STIM1: variants seen among roughly 807,000 people sequenced by gnomAD.
The protein encoded by STIM1 is stromal interaction molecule 1.
A neutral mutation model predicts 74.7 loss-of-function variants in STIM1; 25 were observed. The ratio of observed to expected loss-of-function variants is 0.33; its 90% CI spans 0.24 to 0.47. STIM1 has a LOEUF of 0.47. Among genes scored for constraint, STIM1 ranks in the 20% least tolerant of loss-of-function variants. STIM1 has a pLI of 1.00. For missense variants in STIM1, 728 were observed against 920.8 expected, an observed-to-expected ratio of 0.79 and a Z score of 2.71; for synonymous variants, 328 against 348.8, an observed-to-expected ratio of 0.94 and a Z score of 0.66.
At chr11:3,971,290 A>G (rs1354870640) in intron 2 of STIM1, among the ~76,000 whole-genome samples, 7 of 151,416 alleles carry the variant, frequency 4.6e-5, no homozygotes, top group Non-Finnish European at 7.4e-5. Context: ...AGCACTTTGG[A>G]AGGCCGAGGC....
chr11:3,891,494 A>T (rs2091895924), intron 1 of STIM1, among the ~76,000 whole-genome samples: 2 of 152,070 alleles, frequency 1.3e-5, no homozygotes, highest in South Asian at 4.1e-4. Flanking sequence ...CATGTTGGCC[A>T]GGCTGGTCTC....
At chr11:4,055,741 T>C in intron 4 of STIM1, 104 bp downstream of exon 4, 1 of 802,914 alleles carries the variant, frequency 1.2e-6, no homozygotes, top group South Asian at 1.7e-5. Context: ...TCTGCCTTTT[T>C]CAGGGCAGCG....
At chr11:3,878,930 C>G (rs2091398475) in intron 1 of STIM1, among the ~76,000 whole-genome samples, 1 of 152,106 alleles carries the variant, frequency 6.6e-6, no homozygotes, top group Non-Finnish European at 1.5e-5. Flanking sequence ...AGCATCTCCT[C>G]TAGTACTGTT....
At chr11:4,013,206 A>C (rs577690556) in intron 2 of STIM1, among the ~76,000 whole-genome samples, 6 of 152,298 alleles carry the variant, frequency 3.9e-5, no homozygotes, top group East Asian at 1.9e-4. Context: ...TGTCTCTGCC[A>C]GGCTTTGGTA....
At chr11:4,050,241 AG>A (rs1383232253) in intron 3 of STIM1, among the ~76,000 whole-genome samples, 1 of 152,208 alleles carries the variant, frequency 6.6e-6, no homozygotes, top group East Asian at 1.9e-4. Flanking sequence ...CTACTTTTAA[AG>A]GCTGATTTAG....
intron 1 of STIM1, among the ~76,000 whole-genome samples, chr11:3,901,729 C>G (rs1238360854): frequency 6.6e-6 from 1 of 152,234 alleles, no homozygotes. Context: ...ATTTAGCTAA[C>G]TGAGCTTTTA....
At chr11:3,906,966 G>T (rs1291558077) in intron 1 of STIM1, among the ~76,000 whole-genome samples, 3 of 152,056 alleles carry the variant, frequency 2.0e-5, no homozygotes, top group Non-Finnish European at 4.4e-5. Context: ...TCTAAAATTG[G>T]TACCTTTACT....
chr11:3,870,964 C>T (rs2091067475), intron 1 of STIM1, among the ~76,000 whole-genome samples: 1 of 150,310 alleles, frequency 6.7e-6, no homozygotes, highest in Admixed American at 6.7e-5. Flanking sequence ...CCTCTGCCTC[C>T]TGGGTTCAAG....
chr11:4,090,020 C>T (rs1448786416), intron 12 of STIM1, among the ~76,000 whole-genome samples: 3 of 152,116 alleles, frequency 2.0e-5, no homozygotes, highest in Non-Finnish European at 4.4e-5. Context: ...ACCACCAGCT[C>T]CTTAAAGGGT....
chr11:3,896,716 G>T (rs1335313734), intron 1 of STIM1, among the ~76,000 whole-genome samples: 1 of 152,200 alleles, frequency 6.6e-6, no homozygotes, highest in Non-Finnish European at 1.5e-5. Flanking sequence ...GTCAGAGAAG[G>T]CTTTCCAGAA....
chr11:4,003,559 C>A (rs1178014305), intron 2 of STIM1, among the ~76,000 whole-genome samples: 1 of 151,090 alleles, frequency 6.6e-6, no homozygotes, highest in African/African-American at 2.4e-5. Flanking sequence ...TAAAAACTCT[C>A]AATAAATTAG....
At position 3,926,448 on chromosome 11, in the gene STIM1, G is replaced by A. The variant is rs146202185; in HGVS notation, c.140-41104G>A. ...TAAGAGTTTTAATTTTTCTTTTTGT[G>A]CTTCACTGGAAAGTCTTATGCATTC... On this transcript the variant is annotated intron_variant, in intron 1 of 12. Coordinates refer to ENST00000526596, the MANE Select transcript of STIM1 (RefSeq NM_001382567.1). 4.0e-3 allele frequency among the ~76,000 whole-genome samples: 613 copies of A among 152,196 alleles called. 2 individuals carry two copies. Among genetic ancestry groups the A allele is most frequent in the African/African-American group, 0.014 (580 of 41,520 alleles).
chr11:4,006,751 T>C (rs1041290846), intron 2 of STIM1, among the ~76,000 whole-genome samples: 1 of 152,104 alleles, frequency 6.6e-6, no homozygotes, highest in African/African-American at 2.4e-5. Flanking sequence ...AATGGACTAA[T>C]GTAGGGTTCT....
intron 1 of STIM1, among the ~76,000 whole-genome samples, chr11:3,901,075 C>A (rs1590545792): frequency 6.6e-6 from 1 of 152,176 alleles, no homozygotes; most frequent in East Asian, 1.9e-4. Flanking sequence ...CTTGTAGTCC[C>A]ATCTGCTCTG....
chr11:4,061,426 C>T (rs982973476), intron 5 of STIM1, among the ~76,000 whole-genome samples: 3 of 152,156 alleles, frequency 2.0e-5, no homozygotes, highest in Non-Finnish European at 4.4e-5. Flanking sequence ...AACACAGGTA[C>T]TGAAGCTAAG....
chr11:4,002,233 G>A (rs367784161), intron 2 of STIM1, among the ~76,000 whole-genome samples: 160 of 145,472 alleles, frequency 1.1e-3, no homozygotes, highest in African/African-American at 2.2e-3. Flanking sequence ...TGCACCAAGC[G>A]GACCTAATAG....
At position 4,075,298 on chromosome 11, in the gene STIM1, G is replaced by C. The variant is rs183765527; in HGVS notation, c.969+619G>C. ...CAAGTCATAAGTATACAGCTGGCAA[G>C]CTTTTGCATATGCATGTACCTGTGT... On this transcript the variant is annotated intron_variant, in intron 7 of 12. Coordinates refer to ENST00000526596, the MANE Select transcript of STIM1 (RefSeq NM_001382567.1). 3.3e-5 allele frequency among the ~76,000 whole-genome samples: 5 copies of C among 152,210 alleles called. No homozygotes were observed. In the East Asian group the frequency reaches 9.6e-4, roughly 29 times the overall value.
At chr11:3,906,362 A>AG (rs1298299320) in intron 1 of STIM1, among the ~76,000 whole-genome samples, 1 of 152,154 alleles carries the variant, frequency 6.6e-6, no homozygotes, top group East Asian at 1.9e-4. Context: ...ACTTGATGTA[A>AG]GGTAGGGACT....
chr11:4,037,009 C>G (rs2132962948), intron 3 of STIM1, among the ~76,000 whole-genome samples: 1 of 152,008 alleles, frequency 6.6e-6, no homozygotes, highest in Admixed American at 6.5e-5. Context: ...ATATCTTTAT[C>G]AATTTTCCAC....
Sources: allele counts gnomAD v4.1 joint callset (sites outside exome capture counted in the v4.1 genomes callset), GRCh38; gene constraint gnomAD v4.1.1; transcripts MANE v1.5; gene names NCBI Gene and HGNC (gene_info 2026-07-23, HGNC 2026-07-21).